CYP7B1: variants seen among roughly 807,000 people sequenced by gnomAD.
CYP7B1 encodes the protein cytochrome P450 family 7 subfamily B member 1, also known as cytochrome P450 7B1.
CYP7B1 carries 29 observed loss-of-function variants against 42.7 expected under a neutral mutation model. That is an observed-to-expected ratio of 0.68 (90% CI 0.51 to 0.93). The LOEUF (loss-of-function observed/expected upper bound fraction) is 0.93, where lower values mean the gene tolerates loss of function less well. Among genes scored for constraint, CYP7B1 ranks in the 40% least tolerant of loss-of-function variants. CYP7B1 has a pLI of 0.00. For synonymous variants in CYP7B1, 235 were observed against 218.2 expected, an observed-to-expected ratio of 1.08 and a Z score of -0.68; for missense variants, 655 against 600.5, an observed-to-expected ratio of 1.09 and a Z score of -0.95.
chr8:64,696,646 T>C (rs1197275456), intron 1 of CYP7B1, among the ~76,000 whole-genome samples: 1 of 152,194 alleles, frequency 6.6e-6, no homozygotes, highest in African/African-American at 2.4e-5. Context: ...TCAGTCTTCA[T>C]CTTAGCATTG....
intron 1 of CYP7B1, among the ~76,000 whole-genome samples, chr8:64,667,500 A>G (rs1441605129): frequency 6.6e-6 from 1 of 152,194 alleles, no homozygotes; most frequent in Non-Finnish European, 1.5e-5. Context: ...CCTGGTGACA[A>G]TAGTGACCTT....
intron 1 of CYP7B1, among the ~76,000 whole-genome samples, chr8:64,683,601 T>C (rs1188168351): frequency 2.6e-5 from 4 of 152,216 alleles, no homozygotes; most frequent in Non-Finnish European, 5.9e-5. Context: ...ATTGGATTGC[T>C]TGTAACTCAA....
rs148881023 is a variant in CYP7B1, at chr8:64,670,935, G to T, written c.123-46396C>A. ...AGCTCTGAATGATACATTGGTCAGT[G>T]CTGTGGCTTAATTATTTCCTTGTAG... On this transcript the variant is annotated intron_variant, in intron 1 of 5. Transcript: ENST00000310193. Among the ~76,000 whole-genome samples, 539 of 152,176 alleles carry T rather than the reference G, an allele frequency of 3.5e-3. 2 individuals carry two copies. The highest frequency in any genetic ancestry group is 5.9e-3 in the Non-Finnish European group (402 of 67,996).
intron 1 of CYP7B1, among the ~76,000 whole-genome samples, chr8:64,676,442 G>A (rs1234208246): frequency 2.6e-5 from 4 of 151,994 alleles, no homozygotes; most frequent in Non-Finnish European, 5.9e-5. Context: ...GGATGACCTG[G>A]GTTTTATACA....
intron 1 of CYP7B1, among the ~76,000 whole-genome samples, chr8:64,730,702 T>C (rs990165898): frequency 1.8e-4 from 27 of 151,322 alleles, no homozygotes; most frequent in African/African-American, 6.4e-4. Flanking sequence ...AACTAAACCA[T>C]GGTTACTAAA....
rs1192564422 is a variant in CYP7B1, at chr8:64,595,312, A to T, written c.*1330T>A. ...TCTTATTTACTTACTAAGAATGTAA[A>T]TATTTTGTAATGTTATTTTTAAAGT... On this transcript the variant is annotated 3_prime_UTR_variant, in exon 6 of 6. Coordinates refer to ENST00000310193, the MANE Select transcript of CYP7B1 (RefSeq NM_004820.5). Among the ~76,000 whole-genome samples the T allele has an allele frequency of 1.3e-5, 2 of 152,242 alleles. No individual in the cohort carries two copies. Among genetic ancestry groups the T allele is most frequent in the Non-Finnish European group, 2.9e-5 (2 of 68,044 alleles).
chr8:64,608,307 T>G (rs534173257), intron 4 of CYP7B1, among the ~76,000 whole-genome samples: 1 of 152,264 alleles, frequency 6.6e-6, no homozygotes, highest in African/African-American at 2.4e-5. Context: ...TTTGCAGATT[T>G]ACAGCACTAA....
intron 4 of CYP7B1, among the ~76,000 whole-genome samples, chr8:64,610,886 C>T (rs1366671513): frequency 6.6e-6 from 1 of 152,210 alleles, no homozygotes; most frequent in East Asian, 1.9e-4. Context: ...GTATGACTTG[C>T]ATTAGTTTAG....
At chr8:64,642,032 G>C (rs752718607) in intron 1 of CYP7B1, among the ~76,000 whole-genome samples, 2 of 152,060 alleles carry the variant, frequency 1.3e-5, no homozygotes, top group African/African-American at 2.4e-5. Context: ...CTTTGTTTCA[G>C]GTAATGAACT....
At chr8:64,708,478 G>C (rs1368010381) in intron 1 of CYP7B1, among the ~76,000 whole-genome samples, 1 of 152,072 alleles carries the variant, frequency 6.6e-6, no homozygotes, top group Admixed American at 6.6e-5. Context: ...CATCCACAAA[G>C]ATATGAGTAC....
intron 4 of CYP7B1, among the ~76,000 whole-genome samples, chr8:64,607,914 A>T (rs936416810): frequency 1.3e-5 from 2 of 152,246 alleles, no homozygotes; most frequent in African/African-American, 4.8e-5. Context: ...GATAAAATTT[A>T]CACCAGGCAC....
At chr8:64,757,740 C>T (rs1376432506) in intron 1 of CYP7B1, among the ~76,000 whole-genome samples, 1 of 152,230 alleles carries the variant, frequency 6.6e-6, no homozygotes, top group Non-Finnish European at 1.5e-5. Flanking sequence ...CTCTGGGCTT[C>T]TTTGATACTA....
At chr8:64,635,475 T>C (rs1805756645) in intron 1 of CYP7B1, among the ~76,000 whole-genome samples, 1 of 152,248 alleles carries the variant, frequency 6.6e-6, no homozygotes, top group Non-Finnish European at 1.5e-5. Flanking sequence ...TAGAAAGGTC[T>C]GTTATCTTTA....
chr8:64,703,050 C>T (rs1327705482), intron 1 of CYP7B1, among the ~76,000 whole-genome samples: 3 of 151,818 alleles, frequency 2.0e-5, no homozygotes, highest in African/African-American at 7.3e-5. Context: ...TATGAAGAGA[C>T]TGGAATAAGC....
At chr8:64,616,306 A>C (rs1805448229) in intron 2 of CYP7B1, 25 bp from the exon 3 acceptor site, 1 of 1,389,292 alleles carries the variant, frequency 7.2e-7, no homozygotes, top group South Asian at 1.3e-5. Context: ...AGAGAGAGAA[A>C]ATATGAGTTC....
At chr8:64,688,245 A>G (rs180830022) in intron 1 of CYP7B1, among the ~76,000 whole-genome samples, 2 of 152,274 alleles carry the variant, frequency 1.3e-5, no homozygotes, top group East Asian at 3.9e-4. Flanking sequence ...TTCTATCTCC[A>G]TCTTCTCTCT....
chr8:64,769,616 G>A lies in CYP7B1; in HGVS notation c.122+28850C>T, dbSNP rs185730309. 3.0e-3 allele frequency among the ~76,000 whole-genome samples: 450 copies of A among 152,154 alleles called. 1 individual carries two copies. The highest frequency in any genetic ancestry group is 5.2e-3 in the Non-Finnish European group (354 of 68,004). On this transcript the variant is annotated intron_variant, in intron 1 of 5. Coordinates refer to ENST00000310193, the MANE Select transcript of CYP7B1 (RefSeq NM_004820.5). ...TCCACAAAAAGAATTAAATATTAAC[G>A]CTTGAATGTATTCCATCCAGTATAC... is the stretch of plus-strand genomic sequence containing the variant.
rs569699691 is a variant in CYP7B1, at chr8:64,603,268, T to G, written c.1233+1414A>C. Among the ~76,000 whole-genome samples, 341 of 152,288 alleles carry G rather than the reference T, an allele frequency of 2.2e-3. 1 individual carries two copies. Among genetic ancestry groups the G allele is most frequent in the African/African-American group, 7.2e-3 (301 of 41,562 alleles). Reference sequence around the variant, plus strand: ...ATTAGCATATTTTTGATTTTTAACTTTGAGTTTTAAGTTCCTAAGTCTAAA... The same window carrying G: ...ATTAGCATATTTTTGATTTTTAACTGTGAGTTTTAAGTTCCTAAGTCTAAA... On this transcript the variant is annotated intron_variant, in intron 5 of 5. Coordinates refer to ENST00000310193, the MANE Select transcript of CYP7B1 (RefSeq NM_004820.5).
chr8:64,686,452 GTT>G (rs1806648274), intron 1 of CYP7B1, among the ~76,000 whole-genome samples: 1 of 37,210 alleles, frequency 2.7e-5, no homozygotes, highest in African/African-American at 1.1e-4. Context: ...CGGGAGGGAG[GTT>G]GGGGGGTCAG....
Sources: gnomAD v4.1 joint callset for allele counts (sites outside exome capture counted in the v4.1 genomes callset) on GRCh38, gnomAD v4.1.1 for gene constraint, MANE v1.5 for transcripts, NCBI Gene and HGNC (gene_info 2026-07-23, HGNC 2026-07-21) for gene names.